CDH12: variants seen among roughly 807,000 people sequenced by gnomAD.
CDH12 encodes the protein cadherin-12.
CDH12 carries 41 observed loss-of-function variants against 74.1 expected under a neutral mutation model. That is an observed-to-expected ratio of 0.55 (90% CI 0.43 to 0.72). CDH12 has a LOEUF of 0.72. Among genes scored for constraint, CDH12 ranks in the 30% least tolerant of loss-of-function variants. CDH12 has a pLI of 0.00. For synonymous variants in CDH12, 399 were observed against 355.0 expected, an observed-to-expected ratio of 1.12 and a Z score of -1.39; for missense variants, 945 against 977.2, an observed-to-expected ratio of 0.97 and a Z score of 0.44.
chr5:22,418,620 G>A (rs1244246640), intron 2 of CDH12, among the ~76,000 whole-genome samples: 4 of 152,026 alleles, frequency 2.6e-5, no homozygotes, highest in East Asian at 1.9e-4. Flanking sequence ...ACGGTAGCTC[G>A]CGCCTGTAAT....
At chr5:21,964,280 C>T (rs1339350249) in intron 6 of CDH12, among the ~76,000 whole-genome samples, 2 of 151,998 alleles carry the variant, frequency 1.3e-5, no homozygotes, top group Non-Finnish European at 2.9e-5. Flanking sequence ...TGTTGTTTTT[C>T]CAATAATAAT....
At chr5:22,657,878 C>G (rs1740134082) in intron 1 of CDH12, among the ~76,000 whole-genome samples, 1 of 152,028 alleles carries the variant, frequency 6.6e-6, no homozygotes, top group Non-Finnish European at 1.5e-5. Context: ...CCATAAAGTA[C>G]AATAACATTT....
chr5:22,233,279 TCATAGATA>T (rs1355879978), intron 3 of CDH12, among the ~76,000 whole-genome samples: 2 of 151,322 alleles, frequency 1.3e-5, no homozygotes, highest in African/African-American at 4.9e-5. Flanking sequence ...AATAAACTGA[TCATAGATA>T]CATAGACAAG....
intron 3 of CDH12, among the ~76,000 whole-genome samples, chr5:22,227,088 C>G (rs1366073547): frequency 1.3e-5 from 2 of 152,002 alleles, no homozygotes; most frequent in Non-Finnish European, 2.9e-5. Flanking sequence ...AAAAATTGTA[C>G]AAGTTAACAC....
chr5:22,295,728 G>A (rs1323386365), intron 3 of CDH12, among the ~76,000 whole-genome samples: 2 of 152,012 alleles, frequency 1.3e-5, no homozygotes, highest in African/African-American at 2.4e-5. Context: ...CTAATCTGGA[G>A]ATATGAACTA....
At chr5:22,691,509 G>A (rs148755110) in intron 1 of CDH12, among the ~76,000 whole-genome samples, 3 of 152,228 alleles carry the variant, frequency 2.0e-5, no homozygotes, top group African/African-American at 7.2e-5. Context: ...CTAACTGAAA[G>A]GTTTGAGTAT....
chr5:21,906,572 C>CA (rs1171863342), intron 6 of CDH12, among the ~76,000 whole-genome samples: 2 of 152,010 alleles, frequency 1.3e-5, no homozygotes, highest in Admixed American at 6.6e-5. Context: ...TATAATCCTT[C>CA]AAATGATCTT....
intron 1 of CDH12, among the ~76,000 whole-genome samples, chr5:22,837,391 G>C (rs374239379): frequency 6.6e-6 from 1 of 152,074 alleles, no homozygotes; most frequent in African/African-American, 2.4e-5. Context: ...CTGGGCAACA[G>C]GGCAAGATGC....
At chr5:22,660,279 T>G (rs1740276235) in intron 1 of CDH12, among the ~76,000 whole-genome samples, 1 of 152,200 alleles carries the variant, frequency 6.6e-6, no homozygotes, top group South Asian at 2.1e-4. Context: ...TTACTCTAAC[T>G]ACAACTTGGC....
At chr5:22,518,155 G>A (rs988718238) in intron 1 of CDH12, among the ~76,000 whole-genome samples, 1 of 152,164 alleles carries the variant, frequency 6.6e-6, no homozygotes, top group Non-Finnish European at 1.5e-5. Context: ...TATTGATGAA[G>A]ATCACAAATA....
chr5:21,888,530 T>C (rs976101918), intron 6 of CDH12, among the ~76,000 whole-genome samples: 1 of 152,132 alleles, frequency 6.6e-6, no homozygotes, highest in Admixed American at 6.6e-5. Flanking sequence ...ACATGGTACA[T>C]GTATACATAT....
chr5:21,929,218 G>A (rs1162733969), intron 6 of CDH12, among the ~76,000 whole-genome samples: 1 of 151,910 alleles, frequency 6.6e-6, no homozygotes, highest in Non-Finnish European at 1.5e-5. Flanking sequence ...GGTGGAGGGG[G>A]ATGGTTCCAG....
At chr5:21,915,364 G>T (rs533606230) in intron 6 of CDH12, among the ~76,000 whole-genome samples, 2 of 152,014 alleles carry the variant, frequency 1.3e-5, no homozygotes, top group African/African-American at 4.8e-5. Flanking sequence ...TTCAGGAAGC[G>T]AACTGCAAGG....
intron 4 of CDH12, among the ~76,000 whole-genome samples, chr5:22,126,001 G>GA (rs890513616): frequency 3.9e-4 from 11 of 28,466 alleles, no homozygotes; most frequent in Non-Finnish European, 1.3e-3. Flanking sequence ...CATTCATTTT[G>GA]GGGGGGGGAC....
chr5:22,168,193 GT>G (rs1748801243), intron 4 of CDH12, among the ~76,000 whole-genome samples: 1 of 152,006 alleles, frequency 6.6e-6, no homozygotes, highest in Non-Finnish European at 1.5e-5. Context: ...TGTGCTATAT[GT>G]TCATGTGCAT....
At chr5:22,248,864 T>C (rs1230455980) in intron 3 of CDH12, among the ~76,000 whole-genome samples, 1 of 152,052 alleles carries the variant, frequency 6.6e-6, no homozygotes, top group Non-Finnish European at 1.5e-5. Flanking sequence ...TTTAATCATT[T>C]ATATTACAAA....
At chr5:21,908,909 T>A (rs565669666) in intron 6 of CDH12, among the ~76,000 whole-genome samples, 1 of 152,294 alleles carries the variant, frequency 6.6e-6, no homozygotes, top group African/African-American at 2.4e-5. Context: ...AGGGTACGCA[T>A]GAGAGTGTAA....
At chr5:22,430,581 T>C (rs1292327276) in intron 2 of CDH12, among the ~76,000 whole-genome samples, 1 of 152,174 alleles carries the variant, frequency 6.6e-6, no homozygotes, top group Non-Finnish European at 1.5e-5. Flanking sequence ...GCTGCAGTTA[T>C]TGAAAATCAG....
chr5:21,759,974 ATAG>A (rs1744624371), intron 13 of CDH12, among the ~76,000 whole-genome samples: 1 of 152,154 alleles, frequency 6.6e-6, no homozygotes. Context: ...GCTAAAGATA[ATAG>A]CCTCCAGCTC....
Sources: gnomAD v4.1 joint callset for allele counts (sites outside exome capture counted in the v4.1 genomes callset) on GRCh38, gnomAD v4.1.1 for gene constraint, MANE v1.5 for transcripts, NCBI Gene and HGNC (gene_info 2026-07-23, HGNC 2026-07-21) for gene names.